The following RRAGB variants were observed in gnomAD, a reference collection of about 807,000 sequenced individuals.
RRAGB encodes the protein ras-related GTP-binding protein B.
A neutral mutation model predicts 29.3 loss-of-function variants in RRAGB; 6 were observed. The observed-to-expected ratio is 0.21, with a 90% CI of 0.11 to 0.40. The LOEUF (loss-of-function observed/expected upper bound fraction) is 0.40. Ranked by LOEUF, RRAGB falls within the 10% of genes least tolerant of loss-of-function variation. The pLI is 1.00. For synonymous variants in RRAGB, 101 were observed against 92.5 expected (o/e 1.09, Z -0.53); for missense variants, 184 against 272.9 (o/e 0.67, Z 2.29).
At chrX:55,748,016 C>T (rs1177416087) in intron 5 of RRAGB, among the ~76,000 whole-genome samples, 11 of 112,413 alleles carry the variant, frequency 9.8e-5, no homozygotes, top group East Asian at 2.8e-4. Flanking sequence ...TGCAGGCGGG[C>T]GCCGCCACAC....
At chrX:55,733,847 A>G (rs1178754157) in intron 5 of RRAGB, among the ~76,000 whole-genome samples, 1 of 111,133 alleles carries the variant, frequency 9.0e-6, no homozygotes. Context: ...CTCATTCTCA[A>G]TCTTTTGGGA....
intron 5 of RRAGB, among the ~76,000 whole-genome samples, chrX:55,750,682 A>G (rs765334224): frequency 8.0e-5 from 9 of 111,891 alleles, no homozygotes; most frequent in African/African-American, 2.9e-4. Context: ...ATATATTTAT[A>G]TAGATATTTT....
At chrX:55,753,826 C>T (rs919586124) in intron 7 of RRAGB, among the ~76,000 whole-genome samples, 4 of 112,012 alleles carry the variant, frequency 3.6e-5, no homozygotes, top group African/African-American at 1.3e-4. Flanking sequence ...GGGTGGATCA[C>T]CTGAGGTCGG....
At chrX:55,744,871 A>G (rs1258118022) in intron 5 of RRAGB, among the ~76,000 whole-genome samples, 1 of 112,000 alleles carries the variant, frequency 8.9e-6, no homozygotes, top group African/African-American at 3.2e-5. Flanking sequence ...GGACCTACTC[A>G]AAACTGTCAG....
intron 3 of RRAGB, among the ~76,000 whole-genome samples, chrX:55,724,113 G>A (rs748225331): frequency 8.9e-6 from 1 of 111,994 alleles, no homozygotes; most frequent in Admixed American, 9.4e-5. Flanking sequence ...CTTTCGTTAT[G>A]AGGAGACTTA....
chrX:55,737,698 C>T (rs1036606770), intron 5 of RRAGB, among the ~76,000 whole-genome samples: 4 of 112,797 alleles, frequency 3.5e-5, no homozygotes, highest in Non-Finnish European at 7.5e-5. Flanking sequence ...GGCAGTCCCT[C>T]AGGGCCAGAC....
rs1038894235 is a variant in RRAGB, at chrX:55,733,183, A to G, written c.516+1597A>G. On this transcript the variant is annotated intron_variant, in intron 5 of 9. Transcript: ENST00000374941. ...CCACTCTGTATGCTTTTATGTACCC[A>G]TAGCTTAGCTCCTACTTACAAGCGA... 5.4e-5 allele frequency among the ~76,000 whole-genome samples: 6 copies of G among 111,352 alleles called. No homozygotes were observed. In the South Asian group the frequency reaches 2.3e-3, roughly 42 times the overall value.
At chrX:55,737,048 G>C (rs985099042) in intron 5 of RRAGB, among the ~76,000 whole-genome samples, 6 of 112,542 alleles carry the variant, frequency 5.3e-5, no homozygotes, top group African/African-American at 1.9e-4. Flanking sequence ...ACCAGCTGCA[G>C]CTGAAGTAGG....
In RRAGB at chrX:55,756,643, T is replaced by C. The variant is rs1010040591; in HGVS notation, c.828-573T>C. Among the ~76,000 whole-genome samples the C allele has an allele frequency of 3.5e-5, 4 of 112,780 alleles. No individual in the cohort carries two copies. The East Asian group carries it at 1.1e-3, about 31-fold the overall frequency. ...TTTGTTTTCAAAGAAAAAAAGATCA[T>C]TTCTTGAATTTAAATGTAACTGAAA... On this transcript the variant is annotated intron_variant, in intron 8 of 9. Coordinates refer to ENST00000374941, the MANE Select transcript of RRAGB (RefSeq NM_006064.5).
chrX:55,741,078 A>G (rs2034053430), intron 5 of RRAGB, among the ~76,000 whole-genome samples: 1 of 91,245 alleles, frequency 1.1e-5, no homozygotes, highest in East Asian at 3.3e-4. Flanking sequence ...GAGCTTTTTC[A>G]CCTTTCCAAT....
chrX:55,748,681 C>G (rs762379278), intron 5 of RRAGB, among the ~76,000 whole-genome samples: 28 of 111,918 alleles, frequency 2.5e-4, no homozygotes, highest in Non-Finnish European at 5.1e-4. Context: ...GCCAGCCACC[C>G]CGTCTGGGAA....
At chrX:55,726,090 G>T (rs1267048095) in intron 3 of RRAGB, among the ~76,000 whole-genome samples, 2 of 109,857 alleles carry the variant, frequency 1.8e-5, no homozygotes, top group African/African-American at 6.6e-5. Flanking sequence ...GGAACTGAGG[G>T]TAAAGAGAGT....
chrX:55,753,356 T>C, intron 6 of RRAGB, 36 bp from the exon 7 acceptor site: 1 of 1,153,883 alleles, frequency 8.7e-7, no homozygotes, highest in Non-Finnish European at 1.2e-6. Context: ...ACTGACTAGC[T>C]GTTAATAATA....
At chrX:55,719,496 C>G in intron 2 of RRAGB, 149 bp downstream of exon 2, 1 of 386,029 alleles carries the variant, frequency 2.6e-6, no homozygotes, top group Non-Finnish European at 4.3e-6. Flanking sequence ...TGTATGCTAT[C>G]AGATTTAATT....
At chrX:55,734,806 A>G (rs2033813993) in intron 5 of RRAGB, among the ~76,000 whole-genome samples, 1 of 112,106 alleles carries the variant, frequency 8.9e-6, no homozygotes, top group South Asian at 3.6e-4. Flanking sequence ...GCTATATCCC[A>G]GAGATTTTGA....
chrX:55,718,216 T>G lies in RRAGB; in HGVS notation c.-112T>G, dbSNP rs1490106168. On this transcript the variant is annotated 5_prime_UTR_variant, in exon 1 of 10. Transcript: ENST00000374941. ...AAGAATAGAGCAGGCCTGAGGGCCATAGGCGATGAGAATAGGCAGTTGAGG... is the reference window on the plus strand; with the variant it reads ...AAGAATAGAGCAGGCCTGAGGGCCAGAGGCGATGAGAATAGGCAGTTGAGG... 1.9e-6 allele frequency: 1 copy of G among 528,544 alleles called. No homozygotes were observed. Among genetic ancestry groups the G allele is most frequent in the Non-Finnish European group, 3.0e-6 (1 of 336,177 alleles). 43.6% of individuals were successfully genotyped at this position (528,544 alleles called of 1,213,427 possible). A position where few individuals can be genotyped will look rare whatever the true frequency, so the allele number is the denominator to read the frequency against.
chrX:55,735,500 G>T (rs57571934), intron 5 of RRAGB, among the ~76,000 whole-genome samples: 1 of 112,217 alleles, frequency 8.9e-6, no homozygotes, highest in East Asian at 2.8e-4. Flanking sequence ...AAGTCTATAA[G>T]AATCTTTACA....
At chrX:55,724,902 A>C in intron 3 of RRAGB, among the ~76,000 whole-genome samples, 1 of 111,792 alleles carries the variant, frequency 8.9e-6, no homozygotes, top group Middle Eastern at 4.6e-3. Context: ...CATTCTATCT[A>C]GCTTACCCTC....
rs1263361180 is a variant in RRAGB, at chrX:55,755,891, G to A, written c.786G>A (p.Glu262=). 8.3e-7 allele frequency: 1 copy of A among 1,207,370 alleles called. No individual in the cohort carries two copies. ...CKEQRDAHRF[E]KISNIIKQFK... is the part of the protein sequence containing the mutation. The stretch of plus-strand genomic sequence containing the variant: ...AGCAGCGTGATGCCCATAGATTTGA[G>A]AAAATAAGCAACATTATTAAGCAGT... The change falls in exon 8 of 10, where the codon GAG becomes GAA. Residue 262 remains glutamate, a synonymous_variant. Coordinates refer to ENST00000374941, the MANE Select transcript of RRAGB (RefSeq NM_006064.5).
Sources: allele counts gnomAD v4.1 joint callset (sites outside exome capture counted in the v4.1 genomes callset), GRCh38; gene constraint gnomAD v4.1.1; transcripts MANE v1.5; gene names NCBI Gene and HGNC (gene_info 2026-07-23, HGNC 2026-07-21).